CNTN6: variants seen among roughly 807,000 people sequenced by gnomAD.
The protein encoded by CNTN6 is contactin-6.
Under a neutral mutation model 122.8 loss-of-function variants are expected in CNTN6, and 137 were observed. That is an observed-to-expected ratio of 1.12 (90% confidence interval 0.97 to 1.29). The LOEUF (loss-of-function observed/expected upper bound fraction) is 1.29. Ranked by LOEUF, CNTN6 falls within the 50% of genes most tolerant of loss-of-function variation. The pLI, the probability that CNTN6 is intolerant of heterozygous loss-of-function variation, is 0.00. For synonymous variants in CNTN6, 570 were observed against 426.0 expected, an observed-to-expected ratio of 1.34 and a Z score of -4.16; for missense variants, 1,634 against 1,223.4, an observed-to-expected ratio of 1.34 and a Z score of -5.01.
chr3:1,308,573 A>G (rs73816295), intron 7 of CNTN6, among the ~76,000 whole-genome samples: 3,523 of 152,002 alleles, frequency 0.023, 129 homozygotes, highest in African/African-American at 0.079. Context: ...ACATATATCT[A>G]TAAGTATTTC....
chr3:1,360,567 T>A (rs1707307847), intron 12 of CNTN6, among the ~76,000 whole-genome samples: 1 of 152,030 alleles, frequency 6.6e-6, no homozygotes, highest in Admixed American at 6.6e-5. Flanking sequence ...TCTATACACA[T>A]TCTATATATT....
chr3:1,146,792 TATAAC>T (rs1194971025), intron 1 of CNTN6, among the ~76,000 whole-genome samples: 16 of 152,048 alleles, frequency 1.1e-4, no homozygotes, highest in South Asian at 2.1e-4. Context: ...AATGAATAGA[TATAAC>T]ATATGATCTA....
intron 4 of CNTN6, among the ~76,000 whole-genome samples, chr3:1,245,544 G>T (rs1358941090): frequency 6.7e-6 from 1 of 149,666 alleles, no homozygotes; most frequent in African/African-American, 2.5e-5. Flanking sequence ...GGAAAGGGTG[G>T]GGGTTGGTGA....
intron 3 of CNTN6, among the ~76,000 whole-genome samples, chr3:1,224,114 A>G (rs1208166483): frequency 2.0e-5 from 3 of 152,192 alleles, no homozygotes; most frequent in Non-Finnish European, 4.4e-5. Context: ...GTTCTCTGTC[A>G]GAGGTCTGGG....
chr3:1,292,004 G>A lies in CNTN6; in HGVS notation c.455-3597G>A, dbSNP rs17037227. Among the ~76,000 whole-genome samples, 1,509 of 152,092 alleles carry A rather than the reference G, an allele frequency of 9.9e-3. 33 individuals are homozygous for A. The highest frequency in any genetic ancestry group is 0.035 in the African/African-American group (1,446 of 41,506). ...AAGGAAACCATTCGTAGAAGCTTAG[G>A]TTTAACCCCCATCCATCGTCAAAAC... On this transcript the variant is annotated intron_variant, in intron 5 of 22. Transcript: ENST00000446702.
chr3:1,162,405 A>T (rs2093156457), intron 2 of CNTN6, among the ~76,000 whole-genome samples: 1 of 105,408 alleles, frequency 9.5e-6, no homozygotes, highest in South Asian at 2.7e-4. Context: ...AGGGAGGGGA[A>T]AAAAAACCCC....
chr3:1,398,852 T>C (rs571222683), intron 20 of CNTN6, among the ~76,000 whole-genome samples: 1 of 152,234 alleles, frequency 6.6e-6, no homozygotes, highest in South Asian at 2.1e-4. Flanking sequence ...TAATTGGCTA[T>C]TCATACCAAG....
At chr3:1,240,041 A>T (rs1184164714) in intron 4 of CNTN6, among the ~76,000 whole-genome samples, 1 of 152,212 alleles carries the variant, frequency 6.6e-6, no homozygotes, top group Admixed American at 6.5e-5. Context: ...ATCAAAGACT[A>T]AATATAAGAC....
intron 1 of CNTN6, among the ~76,000 whole-genome samples, chr3:1,130,334 G>C (rs187163314): frequency 6.6e-6 from 1 of 152,066 alleles, no homozygotes; most frequent in East Asian, 1.9e-4. Flanking sequence ...AAGATAACAC[G>C]GTGAAAACCT....
At chr3:1,311,380 G>T (rs1203817057) in intron 7 of CNTN6, among the ~76,000 whole-genome samples, 1 of 105,458 alleles carries the variant, frequency 9.5e-6, no homozygotes, top group East Asian at 2.8e-4. Context: ...CATATAAAAT[G>T]TCTTTATATG....
chr3:1,254,869 A>C (rs1007608743), intron 4 of CNTN6, among the ~76,000 whole-genome samples: 1 of 152,180 alleles, frequency 6.6e-6, no homozygotes, highest in African/African-American at 2.4e-5. Context: ...CATGATGTCC[A>C]GCAGTAAACA....
At position 1,403,707 on chromosome 3, in the gene CNTN6, C is replaced by T. The variant is rs533019084; in HGVS notation, c.*289C>T. 3 of 197,220 alleles carry T rather than the reference C, an allele frequency of 1.5e-5. No individual in the cohort carries two copies. Among genetic ancestry groups the T allele is most frequent in the African/African-American group, 7.0e-5 (3 of 43,158 alleles). The allele number at this position is 197,220 out of a possible 1,614,324, so 12.2% of individuals were successfully genotyped here. ...TTACTTATATGGAGAAAATAAATAA[C>T]TCCCCTCAATGATGCTGATGATGAA... On this transcript the variant is annotated 3_prime_UTR_variant, in exon 23 of 23. Coordinates refer to ENST00000446702, the MANE Select transcript of CNTN6 (RefSeq NM_001289080.2).
At chr3:1,193,348 T>A (rs1481675990) in intron 2 of CNTN6, among the ~76,000 whole-genome samples, 1 of 152,126 alleles carries the variant, frequency 6.6e-6, no homozygotes, top group Non-Finnish European at 1.5e-5. Flanking sequence ...ACATCAAAAA[T>A]AAGAGTTTCA....
intron 4 of CNTN6, among the ~76,000 whole-genome samples, chr3:1,240,725 A>G (rs2094471905): frequency 6.6e-6 from 1 of 152,064 alleles, no homozygotes; most frequent in South Asian, 2.1e-4. Context: ...AAAAAGAAAA[A>G]AAAGAAAAAA....
chr3:1,124,680 C>T (rs558571163), intron 1 of CNTN6, among the ~76,000 whole-genome samples: 1 of 128,352 alleles, frequency 7.8e-6, no homozygotes, highest in Non-Finnish European at 1.7e-5. Context: ...GTATCCTAAA[C>T]ATTATTGAAA....
At chr3:1,145,947 G>A (rs1487916727) in intron 1 of CNTN6, among the ~76,000 whole-genome samples, 1 of 152,038 alleles carries the variant, frequency 6.6e-6, no homozygotes. Flanking sequence ...AATTTTGGTG[G>A]TAATATTTAA....
chr3:1,349,984 A>G (rs1453219838), intron 11 of CNTN6, among the ~76,000 whole-genome samples: 3 of 151,828 alleles, frequency 2.0e-5, no homozygotes, highest in Non-Finnish European at 4.4e-5. Context: ...TAAATCATAA[A>G]TCAATTTGGT....
At position 1,382,995 on chromosome 3, in the gene CNTN6, C is replaced by A. The variant is rs757993052; in HGVS notation, c.2220C>A (p.Phe740Leu). 3.1e-6 allele frequency: 5 copies of A among 1,614,042 alleles called. No homozygotes were observed. The highest frequency in any genetic ancestry group is 3.4e-6 in the Non-Finnish European group (4 of 1,179,936). The change falls in exon 18 of 23, where the codon TTC (phenylalanine) becomes TTA (leucine). Residue 740 changes from phenylalanine to leucine, a missense_variant. Phe to Leu is a conservative substitution (Grantham distance 22). Transcript: ENST00000446702. The part of the protein sequence containing the change: ...NGEGFGYIIM[F>L]RPVGSTTWSK... ...AGGGATTTGGATATATCATCATGTT[C>A]CGGCCAGTGGGCTCGACAACCTGGT... is the stretch of plus-strand genomic sequence containing the variant.
chr3:1,305,406 A>G (rs1698195452), intron 7 of CNTN6, among the ~76,000 whole-genome samples: 1 of 152,196 alleles, frequency 6.6e-6, no homozygotes, highest in South Asian at 2.1e-4. Context: ...CAGAGCTGAC[A>G]TGATCACAGC....
Sources: allele counts gnomAD v4.1 joint callset (sites outside exome capture counted in the v4.1 genomes callset), GRCh38; gene constraint gnomAD v4.1.1; transcripts MANE v1.5; gene names NCBI Gene and HGNC (gene_info 2026-07-23, HGNC 2026-07-21).